The following DLGAP3 variants were observed in gnomAD, a reference collection of about 807,000 sequenced individuals.
The protein encoded by DLGAP3 is disks large-associated protein 3.
Under a neutral mutation model 81.2 loss-of-function variants are expected in DLGAP3, and 17 were observed. That is an observed-to-expected ratio of 0.21 (90% CI 0.14 to 0.31). The LOEUF (loss-of-function observed/expected upper bound fraction) is 0.31. Ranked by LOEUF, DLGAP3 falls within the 10% of genes least tolerant of loss-of-function variation. The pLI is 1.00. For synonymous variants in DLGAP3, 577 were observed against 587.4 expected, an observed-to-expected ratio of 0.98 and a Z score of 0.26; for missense variants, 1,124 against 1,388.0, an observed-to-expected ratio of 0.81 and a Z score of 3.02.
intron 1 of DLGAP3, among the ~76,000 whole-genome samples, chr1:34,926,747 TG>T (rs1395906160): frequency 1.3e-5 from 2 of 152,110 alleles, no homozygotes; most frequent in African/African-American, 4.8e-5. Flanking sequence ...ACCTGTAAAA[TG>T]GGGGTAATCC....
chr1:34,885,346 G>A, intron 7 of DLGAP3, 132 bp downstream of exon 7: 1 of 1,033,482 alleles, frequency 9.7e-7, no homozygotes. Context: ...CGATGTCCAG[G>A]CACGGGGTTC....
chr1:34,900,348 C>T lies in DLGAP3; in HGVS notation c.1108-75G>A. 1 of 1,468,508 alleles carries T rather than the reference C, an allele frequency of 6.8e-7. No individual in the cohort carries two copies. Among genetic ancestry groups the T allele is most frequent in the East Asian group, 2.3e-5 (1 of 44,254 alleles). 91.0% of individuals were successfully genotyped at this position (1,468,508 alleles called of 1,614,324 possible). On this transcript the variant is annotated intron_variant, in intron 3 of 11. Coordinates refer to ENST00000373347, the MANE Select transcript of DLGAP3 (RefSeq NM_001080418.3). This position sits in a 1 kb window ranked among gnomAD's most constrained non-coding sequence, Gnocchi z 5.6. ...GAGGCCAGGACTCTTTCCCCACTGC[C>T]AGTGGGAGATGCCCTGCCCTGGCTT...
At chr1:34,890,981 G>A (rs1330319485) in intron 5 of DLGAP3, among the ~76,000 whole-genome samples, 1 of 152,188 alleles carries the variant, frequency 6.6e-6, no homozygotes, top group Non-Finnish European at 1.5e-5. Flanking sequence ...TGTTAAAGCA[G>A]CCAGTGCTAC....
rs1252481029 is a variant in DLGAP3, at chr1:34,929,093, T to C, written c.-135+358A>G. Among the ~76,000 whole-genome samples the C allele has an allele frequency of 6.6e-6, 1 of 151,924 alleles. No individual in the cohort carries two copies. The highest frequency in any genetic ancestry group is 1.5e-5 in the Non-Finnish European group (1 of 67,934). ...CCTGCAGAGGAAACTTCTCTCCGGA[T>C]CTCCCCAGCACCACGACTTCCCCCA... On this transcript the variant is annotated intron_variant, in intron 1 of 11. Transcript: ENST00000373347. This position sits in a 1 kb window ranked among gnomAD's most constrained non-coding sequence, Gnocchi z 6.5.
Position 34,904,536 on chromosome 1 carries a change from G to A in DLGAP3, c.848C>T (p.Pro283Leu), listed in dbSNP as rs371713295. Residue 283 changes from proline to leucine, a missense_variant, in exon 3 of 12, where the codon CCT becomes CTT. Coordinates refer to ENST00000373347, the MANE Select transcript of DLGAP3 (RefSeq NM_001080418.3). This position sits in a 1 kb window ranked among gnomAD's most constrained non-coding sequence, Gnocchi z 8.1. ...ACCCTCCAGGCAGAAGGGACCACCA[G>A]GCTCCCCAGGGGGCCTCCCACCCGC... Reference protein sequence around the residue: ...FLAGGRPPGEPGGPFCLEGPD... With the variant: ...FLAGGRPPGELGGPFCLEGPD... The A allele has an allele frequency of 2.0e-5, 33 of 1,614,166 alleles. No homozygotes were observed. In the East Asian group the frequency reaches 2.7e-4, roughly 13 times the overall value.
rs1639374815 is a variant in DLGAP3, at chr1:34,895,945, C to CACAT, written c.1386+3723_1386+3724insATGT. ...ACACACACACACACACACACACACA[C>CACAT]ACACACACACTACTCAAAGTGGGTC... On this transcript the variant is annotated intron_variant, in intron 5 of 11. Coordinates refer to ENST00000373347, the MANE Select transcript of DLGAP3 (RefSeq NM_001080418.3). This position sits in a 1 kb window ranked among gnomAD's most constrained non-coding sequence, Gnocchi z 4.5. 7.4e-6 allele frequency among the ~76,000 whole-genome samples: 1 copy of CACAT among 135,998 alleles called. No individual in the cohort carries two copies. The highest frequency in any genetic ancestry group is 1.6e-5 in the Non-Finnish European group (1 of 61,578). The allele number at this position is 135,998 out of a possible 152,430, so 89.2% of individuals were successfully genotyped here.
At chr1:34,891,323 C>G (rs562608330) in intron 5 of DLGAP3, among the ~76,000 whole-genome samples, 1 of 152,282 alleles carries the variant, frequency 6.6e-6, no homozygotes, top group South Asian at 2.1e-4. Context: ...CCAGAGGGCT[C>G]CACTTAATTT....
intron 4 of DLGAP3, 91 bp from the exon 5 acceptor site, chr1:34,899,832 C>A: frequency 1.6e-6 from 2 of 1,244,602 alleles, no homozygotes; most frequent in Non-Finnish European, 2.4e-6. Context: ...TGAGTAAGTC[C>A]TATTCCTCAG....
At chr1:34,866,789 C>CA (rs1025101545) in intron 11 of DLGAP3, among the ~76,000 whole-genome samples, 14 of 151,482 alleles carry the variant, frequency 9.2e-5, no homozygotes, top group Non-Finnish European at 1.6e-4. Flanking sequence ...CCGCCACCCC[C>CA]CCAACCCCGC....
intron 1 of DLGAP3, among the ~76,000 whole-genome samples, chr1:34,911,026 C>G (rs539917417): frequency 6.9e-6 from 1 of 144,630 alleles, no homozygotes; most frequent in East Asian, 2.0e-4. Context: ...TTATCCACCC[C>G]CCCCCCACCA....
chr1:34,926,336 T>C lies in DLGAP3; in HGVS notation c.-135+3115A>G, dbSNP rs1276822767. 2.0e-5 allele frequency among the ~76,000 whole-genome samples: 3 copies of C among 152,132 alleles called. No individual in the cohort carries two copies. The East Asian group carries it at 5.8e-4, about 29-fold the overall frequency. On this transcript the variant is annotated intron_variant, in intron 1 of 11. Transcript: ENST00000373347. The stretch of plus-strand genomic sequence containing the variant: ...CAGGGGCCTGACAAGTTATTAGCAA[T>C]GATGAGCTGGCACCTCGTTACCATA...
intron 1 of DLGAP3, among the ~76,000 whole-genome samples, chr1:34,928,694 ACTCT>A (rs148258610): frequency 6.6e-6 from 1 of 151,386 alleles, no homozygotes; most frequent in East Asian, 1.9e-4. Context: ...GCTCAGATAC[ACTCT>A]CTCTCACACA....
Position 34,904,678 on chromosome 1 carries a change from A to G in DLGAP3, c.706T>C (p.Ser236Pro). The G allele has an allele frequency of 6.2e-7, 1 of 1,613,786 alleles. No individual in the cohort carries two copies. Among genetic ancestry groups the G allele is most frequent in the South Asian group, 1.1e-5 (1 of 91,066 alleles). The stretch of plus-strand genomic sequence containing the variant: ...CTCTTGCTCCTCTTGCCGTGCCGGG[A>G]CTGGTGGTGGTGGTGATGGTGGTGG... Reference protein sequence around the residue: ...HHHHHHHHHQSRHGKRSKSKD... With the variant: ...HHHHHHHHHQPRHGKRSKSKD... The change falls in exon 3 of 12, where the codon TCC becomes CCC. Residue 236 changes from serine (S) to proline (P), a missense_variant. Transcript: ENST00000373347. This position sits in a 1 kb window ranked among gnomAD's most constrained non-coding sequence, Gnocchi z 8.1.
At chr1:34,897,392 G>T (rs1230073494) in intron 5 of DLGAP3, among the ~76,000 whole-genome samples, 1 of 152,188 alleles carries the variant, frequency 6.6e-6, no homozygotes, top group East Asian at 1.9e-4. Flanking sequence ...TAGGGCATTT[G>T]GGAAAAGACC....
At position 34,868,387 on chromosome 1, in the gene DLGAP3, T is replaced by C. The variant is rs1277106213; in HGVS notation, c.2485+218A>G. Among the ~76,000 whole-genome samples, 2 of 152,170 alleles carry C rather than the reference T, an allele frequency of 1.3e-5. No homozygotes were observed. Among genetic ancestry groups the C allele is most frequent in the Non-Finnish European group, 2.9e-5 (2 of 68,022 alleles). On this transcript the variant is annotated intron_variant, in intron 9 of 11. Transcript: ENST00000373347. This position sits in a 1 kb window ranked among gnomAD's most constrained non-coding sequence, Gnocchi z 7.5. ...AGTGTCTGCAGTCCCAGCCCTGGCC[T>C]CTAAAGCTGCACCATGTGCACCCTG... is the stretch of plus-strand genomic sequence containing the variant.
chr1:34,866,209 C>A lies in DLGAP3; in HGVS notation c.2814G>T (p.Arg938=), dbSNP rs1638874086. 1 of 1,593,736 alleles carries A rather than the reference C, an allele frequency of 6.3e-7. No homozygotes were observed. The highest frequency in any genetic ancestry group is 1.3e-5 in the African/African-American group (1 of 74,650). Residue 938 remains arginine, a synonymous_variant, in exon 12 of 12, where the codon CGG becomes CGT. Transcript: ENST00000373347. Reference sequence around the variant, plus strand: ...GCCGCTTGCGCGCTTCCTGCCGCTGCCGGTCCACGGAGTCCAGGGAGCGCT... The same window carrying A: ...GCCGCTTGCGCGCTTCCTGCCGCTGACGGTCCACGGAGTCCAGGGAGCGCT... The part of the protein sequence containing the change: ...VKERSLDSVD[R]QRQEARKRLL...
intron 1 of DLGAP3, among the ~76,000 whole-genome samples, chr1:34,917,063 C>T (rs534607636): frequency 6.6e-6 from 1 of 152,030 alleles, no homozygotes; most frequent in South Asian, 2.1e-4. Context: ...ATAGGTGGAC[C>T]CCAGTGTGCC....
intron 1 of DLGAP3, among the ~76,000 whole-genome samples, chr1:34,917,959 ATAAT>A (rs901751558): frequency 1.5e-4 from 23 of 152,196 alleles, no homozygotes; most frequent in Non-Finnish European, 2.2e-4. Flanking sequence ...GAGAAACTAA[ATAAT>A]TAAATCCCTA....
chr1:34,906,032 ATTTGTTTGTT>A (rs1475407570), intron 2 of DLGAP3, among the ~76,000 whole-genome samples: 127 of 126,262 alleles, frequency 1.0e-3, no homozygotes, highest in East Asian at 4.1e-3. Context: ...ATATATATAT[ATTTGTTTGTT>A]TTTATATTTG....
Sources: gnomAD v4.1 joint callset for allele counts (sites outside exome capture counted in the v4.1 genomes callset) on GRCh38, gnomAD v4.1.1 for gene constraint, Gnocchi (gnomAD v3.1) non-coding constraint, MANE v1.5 for transcripts, NCBI Gene and HGNC (gene_info 2026-07-23, HGNC 2026-07-21) for gene names.